The following NCR1 variants were observed in gnomAD, a reference collection of about 807,000 sequenced individuals.
The protein encoded by NCR1 is natural cytotoxicity triggering receptor 1, also known as NK cell-activating receptor.
NCR1 carries 30 observed loss-of-function variants against 32.5 expected under a neutral mutation model. The ratio of observed to expected loss-of-function variants is 0.92; its 90% CI spans 0.69 to 1.25. The LOEUF is 1.25. Among genes scored for constraint, NCR1 ranks in the 50% most tolerant of loss-of-function variants. The pLI is 0.00. For missense variants in NCR1, 369 were observed against 380.7 expected (o/e 0.97, Z 0.26); for synonymous variants, 169 against 143.4 (o/e 1.18, Z -1.28).
chr19:54,930,495 C>T, the NCR1 span: 11 of 1,594,898 alleles, frequency 6.9e-6, no homozygotes, highest in Non-Finnish European at 9.5e-6. Flanking sequence ...AGAAAATCGC[C>T]TACCGTAGGT....
At chr19:54,904,767 G>C (rs1051150127), upstream of NCR1, among the ~76,000 whole-genome samples, 2 of 152,016 alleles carry the variant, frequency 1.3e-5, no homozygotes, top group Non-Finnish European at 2.9e-5. Flanking sequence ...CCCGACCTAA[G>C]GTGATCCACC....
intron 5 of NCR1, 126 bp from the exon 6 acceptor site, chr19:54,912,042 T>C: frequency 1.2e-6 from 1 of 801,486 alleles, no homozygotes; most frequent in Non-Finnish European, 2.2e-6. Context: ...ATGAAGCTCC[T>C]GGGACCCGCA....
chr19:54,901,570 G>A (rs754558196), upstream of NCR1, among the ~76,000 whole-genome samples: 11 of 151,924 alleles, frequency 7.2e-5, no homozygotes, highest in South Asian at 2.1e-4. Flanking sequence ...TTGGGAGGCC[G>A]AGGCAGGTGG....
the NCR1 span, among the ~76,000 whole-genome samples, chr19:54,899,607 C>T: frequency 6.6e-6 from 1 of 151,884 alleles, no homozygotes; most frequent in African/African-American, 2.4e-5. Context: ...TTCTTGCCCC[C>T]TAGAAAAGCG....
At chr19:54,927,876 G>T in the NCR1 span, 1 of 996,460 alleles carries the variant, frequency 1.0e-6, no homozygotes, top group Non-Finnish European at 1.6e-6. Context: ...TGGATCACTT[G>T]AGGCCAGGTG....
chr19:54,906,689 C>T lies in NCR1; in HGVS notation c.237C>T (p.Asn79=), dbSNP rs2067640859. 1 of 1,614,194 alleles carries T rather than the reference C, an allele frequency of 6.2e-7. No individual in the cohort carries two copies. The highest frequency in any genetic ancestry group is 8.5e-7 in the Non-Finnish European group (1 of 1,180,038). The change falls in exon 3 of 7, where the codon AAC becomes AAT. Residue 79 remains asparagine (N), a synonymous_variant. Transcript: ENST00000291890. ...VDRPKPPERI[N]KVQFYIPDMN... is the part of the protein sequence containing the mutation. ...GACCAAAACCCCCTGAGCGGATTAA[C>T]AAAGTCCAATTCTACATCCCGGACA...
downstream of NCR1, among the ~76,000 whole-genome samples, chr19:54,915,209 T>C (rs2146102965): frequency 6.6e-6 from 1 of 151,968 alleles, no homozygotes; most frequent in Admixed American, 6.6e-5. Context: ...TATAACGGGG[T>C]TCTCGGGAAA....
the NCR1 span, chr19:54,927,479 C>T: frequency 1.2e-6 from 1 of 855,346 alleles, no homozygotes; most frequent in Non-Finnish European, 1.9e-6. Flanking sequence ...TTGCTTGAAC[C>T]TGAGAGGCAG....
At chr19:54,928,534 C>T in the NCR1 span, among the ~76,000 whole-genome samples, 1 of 152,100 alleles carries the variant, frequency 6.6e-6, no homozygotes, top group Non-Finnish European at 1.5e-5. Context: ...CTATTGAAGA[C>T]AATGGATGAT....
chr19:54,917,899 G>A (rs963104870), downstream of NCR1, among the ~76,000 whole-genome samples: 5 of 152,028 alleles, frequency 3.3e-5, no homozygotes, highest in African/African-American at 9.7e-5. Flanking sequence ...ACGAGTCCAC[G>A]GAAACTCTCC....
At chr19:54,926,445 CA>C in the NCR1 span, among the ~76,000 whole-genome samples, 1 of 152,034 alleles carries the variant, frequency 6.6e-6, no homozygotes, top group Non-Finnish European at 1.5e-5. Flanking sequence ...CACACACTCC[CA>C]AAAAAACTCT....
At chr19:54,917,094 C>T (rs543359247), downstream of NCR1, among the ~76,000 whole-genome samples, 5 of 151,964 alleles carry the variant, frequency 3.3e-5, no homozygotes, top group South Asian at 4.2e-4. Flanking sequence ...ACTTCCTCCT[C>T]GAAGGACTCA....
At chr19:54,924,798 T>C in the NCR1 span, among the ~76,000 whole-genome samples, 9 of 152,014 alleles carry the variant, frequency 5.9e-5, no homozygotes, top group African/African-American at 1.9e-4. Context: ...TAGCTGGGCA[T>C]GGTGGCAGAC....
upstream of NCR1, among the ~76,000 whole-genome samples, chr19:54,903,637 G>GTA (rs1375367797): frequency 6.9e-6 from 1 of 145,440 alleles, no homozygotes; most frequent in Non-Finnish European, 1.5e-5. Context: ...GTACTATGCA[G>GTA]TATATATACA....
chr19:54,934,940 A>G, the NCR1 span, among the ~76,000 whole-genome samples: 2 of 151,932 alleles, frequency 1.3e-5, no homozygotes, highest in Non-Finnish European at 2.9e-5. The surrounding 1 kb of genome is among the most constrained non-coding windows in gnomAD (Gnocchi z 6.7). Flanking sequence ...CAGGTGATCC[A>G]CCCACCTTGG....
At chr19:54,899,609 A>T in the NCR1 span, among the ~76,000 whole-genome samples, 1 of 152,004 alleles carries the variant, frequency 6.6e-6, no homozygotes, top group African/African-American at 2.4e-5. Context: ...CTTGCCCCCT[A>T]GAAAAGCGGT....
At chr19:54,934,524 G>T in the NCR1 span, 40 of 1,614,010 alleles carry the variant, frequency 2.5e-5, no homozygotes, top group African/African-American at 5.3e-4. This position sits in a 1 kb window ranked among gnomAD's most constrained non-coding sequence, Gnocchi z 6.7. Flanking sequence ...GGCGTGTCAT[G>T]GTCTTGTACA....
intron 3 of NCR1, among the ~76,000 whole-genome samples, chr19:54,908,418 CTCTT>C (rs199772650): frequency 0.055 from 8,447 of 152,232 alleles, 293 homozygotes; most frequent in Middle Eastern, 0.12. Flanking sequence ...AATCTGATCT[CTCTT>C]TCTTTTCCCC....
chr19:54,898,906 G>T, the NCR1 span, among the ~76,000 whole-genome samples: 1 of 152,076 alleles, frequency 6.6e-6, no homozygotes, highest in African/African-American at 2.4e-5. Flanking sequence ...AGGAGGGGAG[G>T]TGATAAAAGG....
Sources: gnomAD v4.1 joint callset for allele counts (sites outside exome capture counted in the v4.1 genomes callset) on GRCh38, gnomAD v4.1.1 for gene constraint, Gnocchi (gnomAD v3.1) non-coding constraint, MANE v1.5 for transcripts, NCBI Gene and HGNC (gene_info 2026-07-23, HGNC 2026-07-21) for gene names.